Variants in ADAM33 observed in about 807,000 individuals in gnomAD.
ADAM33 encodes disintegrin and metalloproteinase domain-containing protein 33.
ADAM33 carries 103 observed loss-of-function variants against 106.2 expected under a neutral mutation model. That is an observed-to-expected ratio of 0.97 (90% CI 0.83 to 1.14). The LOEUF (loss-of-function observed/expected upper bound fraction) is 1.14. Among genes scored for constraint, ADAM33 ranks in the 50% most tolerant of loss-of-function variants. The pLI, the probability that ADAM33 is intolerant of heterozygous loss-of-function variation, is 0.00. For missense variants in ADAM33, 1,120 were observed against 1,096.6 expected (o/e 1.02, Z -0.30); for synonymous variants, 483 against 453.0 (o/e 1.07, Z -0.84).
Position 3,669,375 on chromosome 20 carries a change from G to T in ADAM33, c.2333-5C>A. 6.2e-7 allele frequency: 1 copy of T among 1,603,804 alleles called. No individual in the cohort carries two copies. Among genetic ancestry groups the T allele is most frequent in the Non-Finnish European group, 8.5e-7 (1 of 1,177,006 alleles). On this transcript the variant is annotated splice_polypyrimidine_tract_variant and splice_region_variant and intron_variant, in intron 20 of 21. Transcript: ENST00000356518. ...GCTCATGAGAGTTCTCAGGGTCTGG[G>T]AGAAATGGTGGAGGGTAAATGTTGT...
In ADAM33 at chr20:3,679,477, A is replaced by T; in HGVS notation, c.177+15T>A. 1 of 1,600,616 alleles carries T rather than the reference A, an allele frequency of 6.2e-7. No individual in the cohort carries two copies. Among genetic ancestry groups the T allele is most frequent in the Non-Finnish European group, 8.5e-7 (1 of 1,173,356 alleles). Reference sequence around the variant, plus strand: ...TTCAGGGCCCCTGTGGAGGGCGGGGAGACATGGCACTGACCGGCTCCTCCA... The same window carrying T: ...TTCAGGGCCCCTGTGGAGGGCGGGGTGACATGGCACTGACCGGCTCCTCCA... On this transcript the variant is annotated intron_variant, in intron 2 of 21. Coordinates refer to ENST00000356518, the MANE Select transcript of ADAM33 (RefSeq NM_025220.5).
At chr20:3,678,567 T>C (rs937261291) in intron 2 of ADAM33, among the ~76,000 whole-genome samples, 1 of 152,224 alleles carries the variant, frequency 6.6e-6, no homozygotes, top group South Asian at 2.1e-4. Flanking sequence ...GGTTGGGAGC[T>C]GCTGGGTCTC....
chr20:3,672,744 C>A lies in ADAM33; in HGVS notation c.1288G>T (p.Glu430Ter). ...ACCTGGCCAGGGCCGCAGTCACACT[C>A]CTCGCCCGCTTCCACGAAGCCGTTC... is the stretch of plus-strand genomic sequence containing the variant. ...CGNGFVEAGE[E>*]CDCGPGQECR... Residue 430 changes from glutamate to a stop codon, truncating the protein, a stop_gained, in exon 12 of 22, where the codon GAG becomes TAG. Coordinates refer to ENST00000356518, the MANE Select transcript of ADAM33 (RefSeq NM_025220.5). LOFTEE classifies it high-confidence loss of function. The A allele has an allele frequency of 6.4e-7, 1 of 1,569,508 alleles. No individual in the cohort carries two copies. The highest frequency in any genetic ancestry group is 8.6e-7 in the Non-Finnish European group (1 of 1,157,322).
intron 2 of ADAM33, among the ~76,000 whole-genome samples, chr20:3,679,056 G>A (rs975615875): frequency 6.6e-6 from 1 of 152,012 alleles, no homozygotes; most frequent in Non-Finnish European, 1.5e-5. Context: ...GGCCTTCGTG[G>A]CAGGGCCCTG....
chr20:3,676,830 G>T (rs186265082), intron 3 of ADAM33, among the ~76,000 whole-genome samples: 1 of 152,290 alleles, frequency 6.6e-6, no homozygotes, highest in East Asian at 1.9e-4. Context: ...TCGCCAGCAG[G>T]GAGCTAACAA....
chr20:3,674,498 C>CCTGA lies in ADAM33; in HGVS notation c.600+2_600+5dup, dbSNP rs1568810859. ...TTCCCACTCCCATCCGATCGATGCC[C>CCTGA]CTGACCCTGCTCTGGGGACCACCAG... On this transcript the variant is annotated splice_donor_region_variant and intron_variant, in intron 6 of 21. Coordinates refer to ENST00000356518, the MANE Select transcript of ADAM33 (RefSeq NM_025220.5). The CCTGA allele has an allele frequency of 1.9e-6, 3 of 1,612,746 alleles. No homozygotes were observed. The East Asian group carries it at 6.7e-5, about 36-fold the overall frequency.
In ADAM33 at chr20:3,673,328, G is replaced by T. The variant is rs550235263; in HGVS notation, c.1133+26C>A. 1.3e-4 allele frequency: 204 copies of T among 1,536,416 alleles called. No individual in the cohort carries two copies. In the African/African-American group the frequency reaches 2.5e-3, roughly 19 times the overall value. ...AGTCCCCAGGACTAGCCGCCCCGCC[G>T]CAGCCCCGACCCCCCACCCGCGTAC... On this transcript the variant is annotated intron_variant, in intron 11 of 21. Coordinates refer to ENST00000356518, the MANE Select transcript of ADAM33 (RefSeq NM_025220.5).
In ADAM33 at chr20:3,673,369, A is replaced by G. The variant is rs1481445803; in HGVS notation, c.1118T>C (p.Met373Thr). The change falls in exon 11 of 22, where the codon ATG becomes ACG. Residue 373 changes from methionine to threonine, a missense_variant. Transcript: ENST00000356518. ...EAAAESGGCV[M>T]AAATGHPFPR... ...ACCCGCGTACCCGGTGGCCGCAGCC[A>G]TGACGCAGCCTCCGGACTCGGCCGC... is the stretch of plus-strand genomic sequence containing the variant. 1 of 1,540,400 alleles carries G rather than the reference A, an allele frequency of 6.5e-7. No individual in the cohort carries two copies.
At position 3,671,431 on chromosome 20, in the gene ADAM33, G is replaced by T. The variant is rs1026353266; in HGVS notation, c.1971C>A (p.Cys657Ter). ...FQELQRCLTA[C>*]HSHGVCNSNH... The stretch of plus-strand genomic sequence containing the variant: ...CTCGGGCTCTCACCCCGTGGCTGTG[G>T]CAGGCAGTCAGGCAGCGCTGAAGCT... Residue 657 changes from cysteine to a stop codon, truncating the protein, a stop_gained, in exon 17 of 22, where the codon TGC becomes TGA. Transcript: ENST00000356518. LOFTEE classifies it high-confidence loss of function. The T allele has an allele frequency of 6.2e-7, 1 of 1,612,610 alleles. No homozygotes were observed. Among genetic ancestry groups the T allele is most frequent in the Non-Finnish European group, 8.5e-7 (1 of 1,179,274 alleles).
chr20:3,675,266 A>G lies in ADAM33; in HGVS notation c.255-161T>C, dbSNP rs149067976. 6.7e-4 allele frequency among the ~76,000 whole-genome samples: 102 copies of G among 152,314 alleles called. No homozygotes were observed. The highest frequency in any genetic ancestry group is 2.2e-3 in the African/African-American group (92 of 41,554). On this transcript the variant is annotated intron_variant, in intron 3 of 21. Coordinates refer to ENST00000356518, the MANE Select transcript of ADAM33 (RefSeq NM_025220.5). This position sits in a 1 kb window ranked among gnomAD's most constrained non-coding sequence, Gnocchi z 4.1. ...ACAGGAGCAATGGTGACTTGCTCAG[A>G]TCAGAAACTCTTGGGGCTAGAGGAA...
chr20:3,681,984 T>C lies in ADAM33; in HGVS notation c.21A>G (p.Arg7=). The C allele has an allele frequency of 6.5e-7, 1 of 1,538,646 alleles. No individual in the cohort carries two copies. Among genetic ancestry groups the C allele is most frequent in the Non-Finnish European group, 8.8e-7 (1 of 1,142,132 alleles). ...GCAGCAGCAACGGGGTCCCCCGAGC[T>C]CTCCGGGGCCTCCAGCCCATAGCTG... MGWRPR[R]ARGTPLLLLL... The change falls in exon 1 of 22, where the codon AGA becomes AGG. Residue 7 remains arginine (R), a synonymous_variant. Transcript: ENST00000356518.
chr20:3,673,065 C>T, intron 11 of ADAM33, 167 bp from the exon 12 acceptor site: 1 of 1,444,190 alleles, frequency 6.9e-7, no homozygotes, highest in Non-Finnish European at 9.1e-7. Flanking sequence ...GACGATGCGG[C>T]CCCAATAGTG....
Position 3,672,909 on chromosome 20 carries a change from G to T in ADAM33, c.1134-11C>A. On this transcript the variant is annotated splice_polypyrimidine_tract_variant and intron_variant, in intron 11 of 21. Coordinates refer to ENST00000356518, the MANE Select transcript of ADAM33 (RefSeq NM_025220.5). ...CGCGGAAACGGGTGCCTACCGGCAC[G>T]GGGAGGGCATTGGGCATGGAGGGAC... 6.4e-7 allele frequency: 1 copy of T among 1,556,068 alleles called. No individual in the cohort carries two copies. Among genetic ancestry groups the T allele is most frequent in the Non-Finnish European group, 8.6e-7 (1 of 1,160,880 alleles).
intron 2 of ADAM33, 68 bp downstream of exon 2, chr20:3,679,424 T>C (rs543621802): frequency 3.3e-6 from 5 of 1,494,142 alleles, no homozygotes; most frequent in Middle Eastern, 1.7e-4. Flanking sequence ...GAAGCTGTAA[T>C]GTAGGGAGAG....
In ADAM33 at chr20:3,669,549, G is replaced by A; in HGVS notation, c.2329C>T (p.Leu777=). Residue 777 remains leucine, a synonymous_variant, in exon 20 of 22, where the codon CTG becomes TTG. Transcript: ENST00000356518. ...CTCCCCCTGGTGCCTCACTCACCCA[G>A]GGGCCAGGGCTGTCCAGTGGCTGTG... ...GPTATGQPWP[L]DPENSHEPSS... 1.3e-6 allele frequency: 2 copies of A among 1,586,614 alleles called. No homozygotes were observed. The highest frequency in any genetic ancestry group is 1.7e-6 in the Non-Finnish European group (2 of 1,166,294).
intron 3 of ADAM33, among the ~76,000 whole-genome samples, chr20:3,676,407 T>C (rs866400154): frequency 2.6e-5 from 4 of 151,680 alleles, no homozygotes; most frequent in Middle Eastern, 6.8e-3. Context: ...TTTTTCTTTT[T>C]TCTTTTCTTT....
Position 3,673,458 on chromosome 20 carries a change from C to T in ADAM33, c.1029G>A (p.Met343Ile). 2 of 1,559,248 alleles carry T rather than the reference C, an allele frequency of 1.3e-6. No homozygotes were observed. The highest frequency in any genetic ancestry group is 2.3e-5 in the East Asian group (1 of 43,378). Residue 343 changes from methionine to isoleucine, a missense_variant, in exon 11 of 22, where the codon ATG (methionine) becomes ATA (isoleucine). Met to Ile is a conservative substitution (Grantham distance 10, BLOSUM62 1). Transcript: ENST00000356518. ...SELPIGAAATMAHEIGHSLGL... is the reference protein window; with the variant it reads ...SELPIGAAATIAHEIGHSLGL... ...CGAGGCTGTGGCCGATCTCATGGGC[C>T]ATGGTGGCTGCGGCGCCGATGGGGA...
chr20:3,668,831 G>A lies in ADAM33; in HGVS notation c.*132C>T. ...TGGGTGGGTCGAAGCTCCACTCGGGGAAGAAACTTCCAAGCTGCCTGCAGG... is the reference window on the plus strand; with the variant it reads ...TGGGTGGGTCGAAGCTCCACTCGGGAAAGAAACTTCCAAGCTGCCTGCAGG... On this transcript the variant is annotated 3_prime_UTR_variant, in exon 22 of 22. Coordinates refer to ENST00000356518, the MANE Select transcript of ADAM33 (RefSeq NM_025220.5). 8.8e-7 allele frequency: 1 copy of A among 1,140,602 alleles called. No homozygotes were observed. The highest frequency in any genetic ancestry group is 1.3e-6 in the Non-Finnish European group (1 of 761,934). 70.7% of individuals were successfully genotyped at this position (1,140,602 alleles called of 1,614,324 possible).
At chr20:3,672,353 G>A (rs1363288046) in intron 13 of ADAM33, 24 bp from the exon 14 acceptor site, 1 of 1,608,502 alleles carries the variant, frequency 6.2e-7, no homozygotes. Context: ...GGGTGGTGGG[G>A]AAGGCAGAGA....
Sources: allele counts gnomAD v4.1 joint callset (sites outside exome capture counted in the v4.1 genomes callset), GRCh38; gene constraint gnomAD v4.1.1; non-coding constraint Gnocchi (gnomAD v3.1); transcripts MANE v1.5; gene names NCBI Gene and HGNC (gene_info 2026-07-23, HGNC 2026-07-21).